The following CDH13 variants were observed in gnomAD, a reference collection of about 807,000 sequenced individuals.
The protein encoded by CDH13 is cadherin 13, also known as cadherin-13.
CDH13 carries 24 observed loss-of-function variants against 63.8 expected under a neutral mutation model. That is an observed-to-expected ratio of 0.38 (90% CI 0.27 to 0.53). CDH13 has a LOEUF of 0.53. CDH13 is among the 20% of genes least tolerant of loss of function. The pLI is 0.85. For synonymous variants in CDH13, 503 were observed against 355.3 expected (o/e 1.42, Z -4.67); for missense variants, 1,049 against 903.1 (o/e 1.16, Z -2.07).
intron 3 of CDH13, among the ~76,000 whole-genome samples, chr16:83,058,495 G>A (rs67589136): frequency 0.071 from 10,778 of 152,176 alleles, 435 homozygotes; most frequent in African/African-American, 0.1. Context: ...TGACAGGGGC[G>A]TCGTTTATTC....
intron 7 of CDH13, among the ~76,000 whole-genome samples, chr16:83,530,920 A>C (rs1018309707): frequency 2.0e-5 from 3 of 152,188 alleles, no homozygotes; most frequent in African/African-American, 7.2e-5. Flanking sequence ...ACTGGATTCA[A>C]ATATCGGTTC....
intron 6 of CDH13, among the ~76,000 whole-genome samples, chr16:83,390,650 C>T (rs1032967628): frequency 2.6e-5 from 4 of 152,172 alleles, no homozygotes; most frequent in South Asian, 2.1e-4. Context: ...CCCACCCCAA[C>T]AGCCATGGCC....
chr16:83,749,526 T>A (rs951053111), intron 11 of CDH13, among the ~76,000 whole-genome samples: 1 of 152,188 alleles, frequency 6.6e-6, no homozygotes, highest in East Asian at 1.9e-4. Flanking sequence ...AGGAATCTAT[T>A]TGGATGTATG....
At chr16:83,319,386 AGAT>A (rs1444257920) in intron 5 of CDH13, among the ~76,000 whole-genome samples, 4 of 152,216 alleles carry the variant, frequency 2.6e-5, no homozygotes, top group Non-Finnish European at 5.9e-5. Context: ...GCAGACACCT[AGAT>A]GTCATCAAAG....
intron 6 of CDH13, among the ~76,000 whole-genome samples, chr16:83,352,388 T>C (rs2090971385): frequency 6.6e-6 from 1 of 152,124 alleles, no homozygotes; most frequent in Admixed American, 6.5e-5. Context: ...CAAATACAAC[T>C]GTATGGAAAG....
intron 2 of CDH13, among the ~76,000 whole-genome samples, chr16:82,867,629 A>T (rs2040194900): frequency 6.6e-6 from 1 of 152,218 alleles, no homozygotes; most frequent in South Asian, 2.1e-4. Flanking sequence ...CTTAACATAC[A>T]TGAGTCATGG....
intron 3 of CDH13, among the ~76,000 whole-genome samples, chr16:83,075,656 G>C (rs2032781472): frequency 6.6e-6 from 1 of 152,186 alleles, no homozygotes; most frequent in Non-Finnish European, 1.5e-5. Context: ...AGTTAGGCGA[G>C]GCGGTCCCGG....
rs538694326 is a variant in CDH13, at chr16:83,239,078, G to A, written c.636+21581G>A. 5.3e-5 allele frequency among the ~76,000 whole-genome samples: 8 copies of A among 152,314 alleles called. No homozygotes were observed. The East Asian group carries it at 1.4e-3, about 26-fold the overall frequency. ...AGAAGCTAACACTCACTGTTGGTCA[G>A]GGGACTGATGCTCTACTTCCTACTC... On this transcript the variant is annotated intron_variant, in intron 5 of 13. Coordinates refer to ENST00000567109, the MANE Select transcript of CDH13 (RefSeq NM_001257.5).
At chr16:83,449,048 T>G (rs2072801013) in intron 6 of CDH13, among the ~76,000 whole-genome samples, 1 of 152,354 alleles carries the variant, frequency 6.6e-6, no homozygotes, top group Admixed American at 6.5e-5. Flanking sequence ...GGGCTAGTTT[T>G]AGACTCGAGA....
chr16:83,012,798 A>C (rs546095968), intron 2 of CDH13, among the ~76,000 whole-genome samples: 1 of 152,320 alleles, frequency 6.6e-6, no homozygotes, highest in South Asian at 2.1e-4. Context: ...ATATATTTAA[A>C]GACTACAGAT....
chr16:83,494,309 T>A (rs1385430041), intron 7 of CDH13, among the ~76,000 whole-genome samples: 1 of 152,212 alleles, frequency 6.6e-6, no homozygotes, highest in Non-Finnish European at 1.5e-5. Context: ...GAGAGCTGTT[T>A]ATTTTTCTTT....
chr16:82,830,452 GTGCC>G (rs1470346046), intron 1 of CDH13, among the ~76,000 whole-genome samples: 1 of 152,146 alleles, frequency 6.6e-6, no homozygotes, highest in African/African-American at 2.4e-5. Flanking sequence ...AATGGGTATA[GTGCC>G]TGGCACAATG....
intron 2 of CDH13, among the ~76,000 whole-genome samples, chr16:83,002,990 G>T (rs911749035): frequency 2.0e-5 from 3 of 152,150 alleles, no homozygotes; most frequent in Non-Finnish European, 4.4e-5. Context: ...TGGAGAGGTA[G>T]GTAACAAAAT....
intron 1 of CDH13, among the ~76,000 whole-genome samples, chr16:82,667,921 T>A (rs1310571331): frequency 2.0e-5 from 3 of 152,128 alleles, no homozygotes; most frequent in African/African-American, 7.2e-5. Flanking sequence ...CTAATACAGT[T>A]TTTTAGAAAC....
At chr16:83,705,438 C>T (rs1391051161) in intron 10 of CDH13, among the ~76,000 whole-genome samples, 2 of 151,936 alleles carry the variant, frequency 1.3e-5, no homozygotes, top group African/African-American at 2.4e-5. Flanking sequence ...CTGGCTAACA[C>T]GGTGAAATCC....
chr16:83,175,931 C>G (rs1409346348), intron 4 of CDH13, among the ~76,000 whole-genome samples: 1 of 147,682 alleles, frequency 6.8e-6, no homozygotes, highest in Non-Finnish European at 1.5e-5. Flanking sequence ...CAGGTTCAAG[C>G]GATTCTCCTG....
chr16:82,675,138 G>T (rs1913748813), intron 1 of CDH13, among the ~76,000 whole-genome samples: 1 of 152,080 alleles, frequency 6.6e-6, no homozygotes, highest in Admixed American at 6.5e-5. Context: ...AATCGTATTG[G>T]ATAAGGGTGC....
chr16:83,350,252 A>G (rs982024099), intron 6 of CDH13, among the ~76,000 whole-genome samples: 2 of 152,208 alleles, frequency 1.3e-5, no homozygotes, highest in Non-Finnish European at 2.9e-5. Context: ...AATGGCAGCC[A>G]GGGCAGCTGG....
At chr16:83,606,464 G>A (rs540101527) in intron 8 of CDH13, among the ~76,000 whole-genome samples, 21 of 152,194 alleles carry the variant, frequency 1.4e-4, no homozygotes, top group African/African-American at 3.6e-4. Context: ...AAGGCTGGGA[G>A]TGGTGGCTCG....
Sources: allele counts gnomAD v4.1 joint callset (sites outside exome capture counted in the v4.1 genomes callset), GRCh38; gene constraint gnomAD v4.1.1; transcripts MANE v1.5; gene names NCBI Gene and HGNC (gene_info 2026-07-23, HGNC 2026-07-21).